Variants in TRAM2 observed in about 807,000 individuals in gnomAD.
TRAM2 encodes translocation associated membrane protein 2.
TRAM2 carries 12 observed loss-of-function variants against 51.0 expected under a neutral mutation model. That is an observed-to-expected ratio of 0.24 (90% CI 0.15 to 0.38). The LOEUF (loss-of-function observed/expected upper bound fraction) is 0.38, where lower values mean the gene tolerates loss of function less well. Ranked by LOEUF, TRAM2 falls within the 10% of genes least tolerant of loss-of-function variation. The probability of loss-of-function intolerance (pLI) is 1.00; values close to 1 mark genes in which losing one functional copy is unlikely to be tolerated. For synonymous variants in TRAM2, 175 were observed against 179.4 expected (o/e 0.98, Z 0.20); for missense variants, 361 against 462.0 (o/e 0.78, Z 2.00).
At chr6:52,568,089 G>A (rs1562490510) in intron 1 of TRAM2, among the ~76,000 whole-genome samples, 1 of 152,186 alleles carries the variant, frequency 6.6e-6, no homozygotes. Context: ...CCCCAGAGAG[G>A]TGAAGGGCCT....
chr6:52,530,875 G>A (rs1237428000), intron 2 of TRAM2, among the ~76,000 whole-genome samples: 3 of 152,124 alleles, frequency 2.0e-5, no homozygotes, highest in Admixed American at 2.0e-4. Context: ...AAGGAGTATA[G>A]AAGAAGAGGG....
chr6:52,559,388 A>G (rs967399877), intron 1 of TRAM2, among the ~76,000 whole-genome samples: 1 of 152,198 alleles, frequency 6.6e-6, no homozygotes, highest in Non-Finnish European at 1.5e-5. Context: ...AAAATAGAGT[A>G]AAGGACTCAG....
intron 1 of TRAM2, among the ~76,000 whole-genome samples, chr6:52,545,833 A>T (rs1767189016): frequency 6.6e-6 from 1 of 151,632 alleles, no homozygotes; most frequent in Non-Finnish European, 1.5e-5. Context: ...TGACATTCCA[A>T]CTCCAAGGTG....
At chr6:52,522,948 G>A (rs748481473) in intron 2 of TRAM2, 6 of 702,098 alleles carry the variant, frequency 8.5e-6, no homozygotes, top group South Asian at 3.0e-5. Flanking sequence ...ATCCCACTGT[G>A]CGGTCTCTGA....
At chr6:52,574,691 G>A (rs957341626) in intron 1 of TRAM2, among the ~76,000 whole-genome samples, 4 of 152,154 alleles carry the variant, frequency 2.6e-5, no homozygotes, top group South Asian at 2.1e-4. Context: ...TGTTTTTCTC[G>A]TCTTGGGCCT....
At position 52,515,456 on chromosome 6, in the gene TRAM2, C is replaced by T. The variant is rs117487230; in HGVS notation, c.411+550G>A. ...TTTGTTGAAACGGCATTGACTCTCA[C>T]AGGATTTGATGAGCTGACAGAGTGA... On this transcript the variant is annotated intron_variant, in intron 4 of 10. Transcript: ENST00000182527. Among the ~76,000 whole-genome samples, 4 of 152,344 alleles carry T rather than the reference C, an allele frequency of 2.6e-5. No homozygotes were observed. In the East Asian group the frequency reaches 7.7e-4, roughly 29 times the overall value.
intron 1 of TRAM2, among the ~76,000 whole-genome samples, chr6:52,546,198 C>T (rs1338634603): frequency 6.6e-6 from 1 of 152,098 alleles, no homozygotes; most frequent in Admixed American, 6.5e-5. Flanking sequence ...TGCACTAAAG[C>T]AGAGAGAAGG....
chr6:52,522,172 AC>A (rs1313735123), intron 2 of TRAM2, among the ~76,000 whole-genome samples: 1 of 152,254 alleles, frequency 6.6e-6, no homozygotes, highest in African/African-American at 2.4e-5. Context: ...ATATCCACTG[AC>A]CTTTTAACCT....
chr6:52,552,454 GA>G (rs1352849431), intron 1 of TRAM2, among the ~76,000 whole-genome samples: 4 of 152,358 alleles, frequency 2.6e-5, no homozygotes, highest in South Asian at 2.1e-4. Context: ...GCAGAAGGGA[GA>G]AAAGTGCAGT....
intron 5 of TRAM2, 65 bp downstream of exon 5, chr6:52,509,463 C>A: frequency 6.5e-7 from 1 of 1,536,064 alleles, no homozygotes; most frequent in Non-Finnish European, 9.0e-7. Context: ...GGCCACACTC[C>A]GCTGGGACAG....
At chr6:52,547,359 C>T (rs1767223011) in intron 1 of TRAM2, among the ~76,000 whole-genome samples, 1 of 152,164 alleles carries the variant, frequency 6.6e-6, no homozygotes, top group Non-Finnish European at 1.5e-5. Context: ...TGGGCCTGGG[C>T]AGCTTTTGTT....
rs1422475593 is a variant in TRAM2 at position 52,576,915 on chromosome 6, T to TGGCAGCGGGCG, written c.-11_-1dup. On this transcript the variant is annotated 5_prime_UTR_variant, in exon 1 of 11. Transcript: ENST00000182527. ...CTTTTCGTCCTCCTGCGGAAAGCCA[T>TGGCAGCGGGCG]GGCAGCGGGCGCGCAGCGGCCGGCG... 60 of 1,609,418 alleles carry TGGCAGCGGGCG rather than the reference T, an allele frequency of 3.7e-5. No homozygotes were observed. The highest frequency in any genetic ancestry group is 4.9e-5 in the Non-Finnish European group (58 of 1,178,044).
intron 1 of TRAM2, among the ~76,000 whole-genome samples, chr6:52,547,339 G>A (rs1767222493): frequency 6.6e-6 from 1 of 152,192 alleles, no homozygotes; most frequent in Non-Finnish European, 1.5e-5. Flanking sequence ...GGATGCCCAA[G>A]AGGGTGCACT....
At chr6:52,533,589 G>A (rs1766929342) in intron 2 of TRAM2, among the ~76,000 whole-genome samples, 1 of 152,208 alleles carries the variant, frequency 6.6e-6, no homozygotes, top group Admixed American at 6.5e-5. Flanking sequence ...TGAAGAAACT[G>A]ACTTGGTTGC....
chr6:52,561,557 C>T (rs1403718829), intron 1 of TRAM2, among the ~76,000 whole-genome samples: 1 of 150,226 alleles, frequency 6.7e-6, no homozygotes, highest in Non-Finnish European at 1.5e-5. Flanking sequence ...GGAATCTGGG[C>T]TCACTGCAAG....
chr6:52,528,058 G>A (rs1295711588), intron 2 of TRAM2, among the ~76,000 whole-genome samples: 1 of 152,294 alleles, frequency 6.6e-6, no homozygotes, highest in East Asian at 1.9e-4. Context: ...ACAGGGCCAG[G>A]ACAGAGCCAA....
At position 52,498,817 on chromosome 6, in the gene TRAM2, G is replaced by A. The variant is rs62407914; in HGVS notation, c.*4380C>T. On this transcript the variant is annotated 3_prime_UTR_variant, in exon 11 of 11. Coordinates refer to ENST00000182527, the MANE Select transcript of TRAM2 (RefSeq NM_012288.4). ...AGGTATGGTGTCCTTGGCTGCCGTCGAGCCCTGGCAACTGGGGGCTGGCCA... is the reference window on the plus strand; with the variant it reads ...AGGTATGGTGTCCTTGGCTGCCGTCAAGCCCTGGCAACTGGGGGCTGGCCA... The A allele has an allele frequency of 0.096, 14,716 of 152,576 alleles. 965 individuals carry two copies. Among genetic ancestry groups the A allele is most frequent in the Non-Finnish European group, 0.14 (9,536 of 68,020 alleles). The allele number at this position is 152,576 out of a possible 1,614,324, so 9.5% of individuals were successfully genotyped here.
rs868103813 is a variant in TRAM2 at position 52,521,586 on chromosome 6, A to G, written c.185-4849T>C. On this transcript the variant is annotated intron_variant, in intron 2 of 10. Coordinates refer to ENST00000182527, the MANE Select transcript of TRAM2 (RefSeq NM_012288.4). Reference sequence around the variant, plus strand: ...GTGGCGGGCACCTGTAGTCCCAGCTACTCGGGAGGCTGAGGCAGGAGAATG... The same window carrying G: ...GTGGCGGGCACCTGTAGTCCCAGCTGCTCGGGAGGCTGAGGCAGGAGAATG... 2.0e-5 allele frequency among the ~76,000 whole-genome samples: 3 copies of G among 151,602 alleles called. No homozygotes were observed. In the South Asian group the frequency reaches 6.3e-4, roughly 32 times the overall value.
At position 52,512,793 on chromosome 6, in the gene TRAM2, C is replaced by T. The variant is rs975800; in HGVS notation, c.412-3207G>A. On this transcript the variant is annotated intron_variant, in intron 4 of 10. Transcript: ENST00000182527. The stretch of plus-strand genomic sequence containing the variant: ...TCAGATATAGCACAGGCAAGTGCTA[C>T]ATAAATTCAGACATACCTTATATTA... 8.8e-3 allele frequency among the ~76,000 whole-genome samples: 1,345 copies of T among 152,302 alleles called. 9 individuals carry two copies. The highest frequency in any genetic ancestry group is 0.017 in the Middle Eastern group (5 of 294).
Sources: allele counts gnomAD v4.1 joint callset (sites outside exome capture counted in the v4.1 genomes callset), GRCh38; gene constraint gnomAD v4.1.1; transcripts MANE v1.5; gene names NCBI Gene and HGNC (gene_info 2026-07-23, HGNC 2026-07-21).